GPC6: variants seen among roughly 807,000 people sequenced by gnomAD.
GPC6 encodes the protein glypican-6.
A neutral mutation model predicts 55.2 loss-of-function variants in GPC6; 14 were observed. The observed-to-expected ratio is 0.25, with a 90% CI of 0.17 to 0.40. The LOEUF (loss-of-function observed/expected upper bound fraction) is 0.40, where lower values mean the gene tolerates loss of function less well. Ranked by LOEUF, GPC6 falls within the 10% of genes least tolerant of loss-of-function variation. The pLI is 1.00. For synonymous variants in GPC6, 278 were observed against 259.6 expected (o/e 1.07, Z -0.68); for missense variants, 641 against 708.5 (o/e 0.90, Z 1.08).
intron 4 of GPC6, among the ~76,000 whole-genome samples, chr13:94,162,466 G>T (rs9805557): frequency 0.038 from 5,784 of 152,182 alleles, 385 homozygotes; most frequent in African/African-American, 0.13. Flanking sequence ...ATGGGACTGC[G>T]CCCAGCCCTG....
At chr13:93,294,667 A>G (rs759224057) in intron 1 of GPC6, among the ~76,000 whole-genome samples, 24 of 152,148 alleles carry the variant, frequency 1.6e-4, no homozygotes, top group Non-Finnish European at 3.5e-4. Context: ...TCCATAGCAC[A>G]GCAATGTGTA....
chr13:93,675,476 C>T (rs1881551623), intron 2 of GPC6, among the ~76,000 whole-genome samples: 1 of 152,040 alleles, frequency 6.6e-6, no homozygotes, highest in African/African-American at 2.4e-5. Flanking sequence ...TGCTGTGATC[C>T]TTTTTCTACA....
intron 2 of GPC6, among the ~76,000 whole-genome samples, chr13:93,812,601 G>A (rs1440181125): frequency 6.6e-6 from 1 of 152,062 alleles, no homozygotes; most frequent in African/African-American, 2.4e-5. Flanking sequence ...TCTTAATAAA[G>A]ATACCTTCAG....
chr13:93,866,650 T>C (rs1478944101), intron 3 of GPC6, among the ~76,000 whole-genome samples: 1 of 151,718 alleles, frequency 6.6e-6, no homozygotes, highest in African/African-American at 2.4e-5. Flanking sequence ...TTCTCACTTA[T>C]AAGTGGAAGC....
At chr13:93,480,674 C>G (rs1043406711) in intron 1 of GPC6, among the ~76,000 whole-genome samples, 6 of 152,188 alleles carry the variant, frequency 3.9e-5, no homozygotes, top group Non-Finnish European at 8.8e-5. Flanking sequence ...TTCCCTATCC[C>G]TTGGCAACTA....
intron 2 of GPC6, among the ~76,000 whole-genome samples, chr13:93,670,887 C>T (rs140042479): frequency 1.4e-4 from 21 of 152,292 alleles, no homozygotes; most frequent in African/African-American, 1.9e-4. Flanking sequence ...TTTAGTATCA[C>T]GGGATGCTAA....
chr13:93,522,433 C>T (rs1169991542), intron 1 of GPC6, among the ~76,000 whole-genome samples: 2 of 151,896 alleles, frequency 1.3e-5, no homozygotes, highest in Non-Finnish European at 2.9e-5. Context: ...TAACTTCTTA[C>T]TTATTTTCCC....
chr13:93,864,381 T>C (rs1240398297), intron 3 of GPC6, among the ~76,000 whole-genome samples: 1 of 151,680 alleles, frequency 6.6e-6, no homozygotes, highest in Non-Finnish European at 1.5e-5. Flanking sequence ...CCACATCTTA[T>C]ACTTCTCATG....
At chr13:93,877,145 C>T (rs917244057) in intron 3 of GPC6, among the ~76,000 whole-genome samples, 5 of 151,944 alleles carry the variant, frequency 3.3e-5, no homozygotes, top group Admixed American at 1.3e-4. Flanking sequence ...GGCTATGGAT[C>T]GAATATGTTA....
chr13:93,299,564 A>G (rs1878606493), intron 1 of GPC6, among the ~76,000 whole-genome samples: 1 of 152,218 alleles, frequency 6.6e-6, no homozygotes, highest in Admixed American at 6.5e-5. Context: ...ACTGCCACTC[A>G]CACTTGCTTG....
At chr13:94,373,771 C>T (rs1486648288) in intron 6 of GPC6, among the ~76,000 whole-genome samples, 1 of 151,986 alleles carries the variant, frequency 6.6e-6, no homozygotes, top group East Asian at 1.9e-4. Flanking sequence ...GTCAGATTCA[C>T]CAAATTTGAA....
chr13:93,898,828 C>T (rs1594569867), intron 3 of GPC6, among the ~76,000 whole-genome samples: 1 of 151,384 alleles, frequency 6.6e-6, no homozygotes, highest in Non-Finnish European at 1.5e-5. Flanking sequence ...AGGTGAGCCC[C>T]AGGAAGAGCA....
At chr13:93,740,022 CA>C (rs1884146623) in intron 2 of GPC6, among the ~76,000 whole-genome samples, 1 of 152,110 alleles carries the variant, frequency 6.6e-6, no homozygotes, top group African/African-American at 2.4e-5. Flanking sequence ...AAACCTAAAG[CA>C]GGGGAGATAA....
At position 93,738,952 on chromosome 13, in the gene GPC6, C is replaced by CAT. The variant is rs1226803044; in HGVS notation, c.320-91201_320-91200insTA. Among the ~76,000 whole-genome samples the CAT allele has an allele frequency of 4.4e-5, 6 of 137,738 alleles. No homozygotes were observed. In the East Asian group the frequency reaches 2.3e-3, roughly 52 times the overall value. 90.4% of individuals were successfully genotyped at this position (137,738 alleles called of 152,430 possible). A position where few individuals can be genotyped will look rare whatever the true frequency, so the allele number is the denominator to read the frequency against. The stretch of plus-strand genomic sequence containing the variant: ...ACTTGGTTTTACACACACACACACA[C>CAT]ACACACACACACACACACACTCACA... On this transcript the variant is annotated intron_variant, in intron 2 of 8. Coordinates refer to ENST00000377047, the MANE Select transcript of GPC6 (RefSeq NM_005708.5).
intron 2 of GPC6, among the ~76,000 whole-genome samples, chr13:93,675,383 G>T (rs1881548875): frequency 6.6e-6 from 1 of 151,220 alleles, no homozygotes; most frequent in East Asian, 1.9e-4. Context: ...TGTTGATCAA[G>T]ATTCAGAGGC....
At chr13:93,626,366 G>T (rs553638004) in intron 2 of GPC6, among the ~76,000 whole-genome samples, 1 of 152,288 alleles carries the variant, frequency 6.6e-6, no homozygotes, top group South Asian at 2.1e-4. Context: ...CACATCCATG[G>T]AGCCAGCTCT....
At chr13:93,986,027 T>G (rs1881014570) in intron 3 of GPC6, among the ~76,000 whole-genome samples, 1 of 152,110 alleles carries the variant, frequency 6.6e-6, no homozygotes, top group Admixed American at 6.6e-5. Flanking sequence ...TAATATTTTT[T>G]GTTACCGGAT....
At chr13:93,710,688 TC>T (rs150119808) in intron 2 of GPC6, among the ~76,000 whole-genome samples, 10,484 of 141,214 alleles carry the variant, frequency 0.074, 478 homozygotes, top group Non-Finnish European at 0.11. Flanking sequence ...TCATTTAAAG[TC>T]CCCCCCCCCA....
rs79433057 is a variant in GPC6, at chr13:93,576,468, C to T, written c.319+31047C>T. 1.2e-3 allele frequency among the ~76,000 whole-genome samples: 176 copies of T among 151,878 alleles called. 2 individuals carry two copies. The East Asian group carries it at 0.03, about 26-fold the overall frequency. ...GACACATCTGTATAATTCTTTTTGC[C>T]CTTAGTTTTTGGCTGTGTACTCTGG... On this transcript the variant is annotated intron_variant, in intron 2 of 8. Transcript: ENST00000377047.
Sources: allele counts gnomAD v4.1 joint callset (sites outside exome capture counted in the v4.1 genomes callset), GRCh38; gene constraint gnomAD v4.1.1; transcripts MANE v1.5; gene names NCBI Gene and HGNC (gene_info 2026-07-23, HGNC 2026-07-21).